The following ITGBL1 variants were observed in gnomAD, a reference collection of about 807,000 sequenced individuals.
ITGBL1 encodes integrin subunit beta like 1, also known as integrin beta-like protein 1.
ITGBL1 carries 51 observed loss-of-function variants against 68.5 expected under a neutral mutation model. That is an observed-to-expected ratio of 0.74 (90% CI 0.59 to 0.94). The LOEUF (loss-of-function observed/expected upper bound fraction) is 0.94. ITGBL1 is among the 40% of genes least tolerant of loss of function. ITGBL1 has a pLI of 0.00. For synonymous variants in ITGBL1, 209 were observed against 227.3 expected, an observed-to-expected ratio of 0.92 and a Z score of 0.72; for missense variants, 649 against 647.4, an observed-to-expected ratio of 1.00 and a Z score of -0.03.
In ITGBL1 at chr13:101,579,313, T is replaced by G; in HGVS notation, c.613T>G (p.Cys205Gly). The G allele has an allele frequency of 1.9e-6, 3 of 1,613,932 alleles. No individual in the cohort carries two copies. The highest frequency in any genetic ancestry group is 2.5e-6 in the Non-Finnish European group (3 of 1,179,840). ...CCATGGGAAGTGTTACTGTGGAAAC[T>G]GCTACTGCAAGGCTGGTTGGCATGG... ...GGHGKCYCGN[C>G]YCKAGWHGDK... Residue 205 changes from cysteine (C) to glycine (G), a missense_variant, in exon 5 of 11, where the codon TGC (cysteine) becomes GGC (glycine). Transcript: ENST00000376180.
chr13:101,633,461 T>G (rs2032055182), intron 7 of ITGBL1, among the ~76,000 whole-genome samples: 1 of 152,234 alleles, frequency 6.6e-6, no homozygotes, highest in Non-Finnish European at 1.5e-5. Flanking sequence ...TTCATGACTG[T>G]GCCCAGTTCT....
At chr13:101,655,079 A>G (rs1328534003) in intron 7 of ITGBL1, among the ~76,000 whole-genome samples, 5 of 152,156 alleles carry the variant, frequency 3.3e-5, no homozygotes, top group African/African-American at 1.2e-4. Flanking sequence ...GTGGCGTGCA[A>G]TCTGGAGACA....
intron 2 of ITGBL1, among the ~76,000 whole-genome samples, chr13:101,522,027 G>A (rs941715695): frequency 4.6e-5 from 7 of 151,838 alleles, no homozygotes; most frequent in African/African-American, 1.7e-4. Flanking sequence ...GAGAGAGGGA[G>A]GAAGAGGGAG....
intron 7 of ITGBL1, among the ~76,000 whole-genome samples, chr13:101,623,697 C>G (rs550484259): frequency 8.5e-5 from 13 of 152,262 alleles, no homozygotes; most frequent in African/African-American, 3.1e-4. Flanking sequence ...TCACACTTAA[C>G]CTTCGCAGAG....
chr13:101,537,056 A>G (rs921095327), intron 2 of ITGBL1, among the ~76,000 whole-genome samples: 4 of 55,158 alleles, frequency 7.3e-5, no homozygotes, highest in Admixed American at 1.7e-4. Flanking sequence ...CAGTGTTTCT[A>G]TTCCCCATTG....
chr13:101,625,606 A>G (rs1239109383), intron 7 of ITGBL1, among the ~76,000 whole-genome samples: 1 of 151,568 alleles, frequency 6.6e-6, no homozygotes, highest in African/African-American at 2.4e-5. Context: ...AGGCTGGAGT[A>G]CAATTGCACG....
chr13:101,678,593 G>A (rs941297551), intron 7 of ITGBL1, among the ~76,000 whole-genome samples: 7 of 150,686 alleles, frequency 4.6e-5, no homozygotes, highest in Non-Finnish European at 7.4e-5. Flanking sequence ...TCTGCCTCCT[G>A]GGTTCATGCA....
intron 7 of ITGBL1, among the ~76,000 whole-genome samples, chr13:101,638,975 A>G (rs1317469082): frequency 6.6e-6 from 1 of 152,192 alleles, no homozygotes; most frequent in Non-Finnish European, 1.5e-5. Context: ...GAAATGGTAA[A>G]AAGTAACAAC....
At chr13:101,467,348 T>C (rs1405009286) in intron 2 of ITGBL1, among the ~76,000 whole-genome samples, 1 of 152,186 alleles carries the variant, frequency 6.6e-6, no homozygotes, top group Non-Finnish European at 1.5e-5. Context: ...AAGAGTCACA[T>C]CTAAGAAGGT....
chr13:101,458,550 T>G (rs2048275282), intron 2 of ITGBL1, among the ~76,000 whole-genome samples: 1 of 152,196 alleles, frequency 6.6e-6, no homozygotes, highest in South Asian at 2.1e-4. Context: ...TGCTCTGATT[T>G]ATGGAAAGAA....
intron 9 of ITGBL1, chr13:101,713,996 A>G (rs549408546): frequency 6.4e-6 from 1 of 155,646 alleles, no homozygotes; most frequent in East Asian, 1.9e-4. Flanking sequence ...CAAAATTATA[A>G]GCACAATAAT....
intron 2 of ITGBL1, among the ~76,000 whole-genome samples, chr13:101,564,009 A>G (rs1005848057): frequency 1.3e-5 from 2 of 151,974 alleles, no homozygotes; most frequent in African/African-American, 4.8e-5. Flanking sequence ...ACATTAAAAA[A>G]TCAACCAATG....
intron 7 of ITGBL1, among the ~76,000 whole-genome samples, chr13:101,633,411 T>C (rs2032053432): frequency 6.6e-6 from 1 of 152,214 alleles, no homozygotes; most frequent in Non-Finnish European, 1.5e-5. Context: ...TCTTAAGCCA[T>C]CTCGTTGATT....
intron 2 of ITGBL1, among the ~76,000 whole-genome samples, chr13:101,496,868 G>T (rs897087573): frequency 2.0e-5 from 3 of 152,166 alleles, no homozygotes; most frequent in African/African-American, 7.2e-5. Context: ...CTGAATAAAG[G>T]TGTCCTTAAA....
intron 6 of ITGBL1, among the ~76,000 whole-genome samples, chr13:101,586,110 A>G (rs1433108428): frequency 6.6e-6 from 1 of 152,058 alleles, no homozygotes; most frequent in African/African-American, 2.4e-5. Flanking sequence ...TGGAGTGCTT[A>G]CTCTAGGCTG....
At chr13:101,717,907 A>T (rs1466548752), downstream of ITGBL1, 1 of 152,144 alleles carries the variant, frequency 6.6e-6, no homozygotes, top group Non-Finnish European at 1.5e-5. Flanking sequence ...TAACAACAAC[A>T]ACTACAACAA....
chr13:101,502,375 C>CT (rs1269680800), intron 2 of ITGBL1, among the ~76,000 whole-genome samples: 3 of 152,174 alleles, frequency 2.0e-5, no homozygotes, highest in African/African-American at 7.2e-5. Flanking sequence ...TGTTCTCACT[C>CT]TCTTTCTTCA....
chr13:101,610,441 G>C (rs925400138), intron 7 of ITGBL1, among the ~76,000 whole-genome samples: 1 of 152,060 alleles, frequency 6.6e-6, no homozygotes, highest in African/African-American at 2.4e-5. Flanking sequence ...GTTGCAAAAC[G>C]AATGCAGATA....
chr13:101,577,053 T>C (rs1411073241), intron 4 of ITGBL1, among the ~76,000 whole-genome samples: 1 of 151,874 alleles, frequency 6.6e-6, no homozygotes, highest in Non-Finnish European at 1.5e-5. Context: ...AATAGAAAAA[T>C]GTAACTTGAA....
Sources: gnomAD v4.1 joint callset for allele counts (sites outside exome capture counted in the v4.1 genomes callset) on GRCh38, gnomAD v4.1.1 for gene constraint, MANE v1.5 for transcripts, NCBI Gene and HGNC (gene_info 2026-07-23, HGNC 2026-07-21) for gene names.